The following SGCZ variants were observed in gnomAD, a reference collection of about 807,000 sequenced individuals.
SGCZ encodes sarcoglycan zeta.
SGCZ carries 40 observed loss-of-function variants against 41.3 expected under a neutral mutation model. That is an observed-to-expected ratio of 0.97 (90% confidence interval 0.75 to 1.26). The LOEUF (loss-of-function observed/expected upper bound fraction) is 1.26, where lower values mean the gene tolerates loss of function less well. SGCZ is among the 50% of genes most tolerant of loss of function. The probability of loss-of-function intolerance (pLI) is 0.00; values close to 1 mark genes in which losing one functional copy is unlikely to be tolerated. For synonymous variants in SGCZ, 206 were observed against 137.5 expected (o/e 1.50, Z -3.49); for missense variants, 552 against 369.8 (o/e 1.49, Z -4.04).
chr8:14,963,605 C>T (rs1412370763), intron 1 of SGCZ, among the ~76,000 whole-genome samples: 4 of 152,190 alleles, frequency 2.6e-5, no homozygotes, highest in Non-Finnish European at 5.9e-5. Context: ...GCCTCAGCCT[C>T]TCAAAGTGCT....
intron 4 of SGCZ, among the ~76,000 whole-genome samples, chr8:14,212,406 A>T (rs1805839464): frequency 6.6e-6 from 1 of 150,890 alleles, no homozygotes; most frequent in Non-Finnish European, 1.5e-5. Context: ...ATCAAGCAGG[A>T]GCTTTAATAG....
chr8:14,401,793 G>T (rs1157416214), intron 2 of SGCZ, among the ~76,000 whole-genome samples: 1 of 150,822 alleles, frequency 6.6e-6, no homozygotes, highest in Non-Finnish European at 1.5e-5. Context: ...AGTCCTTTGG[G>T]TATATACCCA....
At chr8:14,393,596 C>T (rs1804865333) in intron 2 of SGCZ, among the ~76,000 whole-genome samples, 1 of 152,162 alleles carries the variant, frequency 6.6e-6, no homozygotes, top group African/African-American at 2.4e-5. Flanking sequence ...GTGCATTCAC[C>T]ATCAGCTGGT....
At chr8:14,318,945 A>AC (rs1801819024) in intron 3 of SGCZ, among the ~76,000 whole-genome samples, 1 of 151,858 alleles carries the variant, frequency 6.6e-6, no homozygotes, top group African/African-American at 2.4e-5. Context: ...TTATACAAAA[A>AC]AAAATATGAA....
intron 1 of SGCZ, among the ~76,000 whole-genome samples, chr8:14,782,152 G>A (rs531864089): frequency 1.3e-5 from 2 of 152,206 alleles, no homozygotes; most frequent in South Asian, 2.1e-4. Context: ...TTGGATAAAC[G>A]ACTACTGGGA....
chr8:14,550,828 A>T (rs1563403616), intron 2 of SGCZ, among the ~76,000 whole-genome samples: 1 of 152,064 alleles, frequency 6.6e-6, no homozygotes, highest in Non-Finnish European at 1.5e-5. Context: ...GACCAAATGG[A>T]GAAAATATCG....
chr8:14,190,681 C>T (rs188585241), intron 4 of SGCZ, among the ~76,000 whole-genome samples: 1 of 152,194 alleles, frequency 6.6e-6, no homozygotes, highest in Non-Finnish European at 1.5e-5. Context: ...CGGCTCACTA[C>T]AACCTCCACC....
At chr8:14,245,274 C>A (rs542364672) in intron 3 of SGCZ, among the ~76,000 whole-genome samples, 3 of 152,032 alleles carry the variant, frequency 2.0e-5, no homozygotes, top group Non-Finnish European at 4.4e-5. Flanking sequence ...AGAACAGAGC[C>A]CTCAGAAATA....
At chr8:14,242,510 A>G (rs1798926307) in intron 3 of SGCZ, among the ~76,000 whole-genome samples, 2 of 152,276 alleles carry the variant, frequency 1.3e-5, no homozygotes, top group South Asian at 2.1e-4. Flanking sequence ...CTTCATCTGT[A>G]AAATAGGGGT....
At chr8:14,273,945 T>C (rs1434505792) in intron 3 of SGCZ, among the ~76,000 whole-genome samples, 3 of 152,264 alleles carry the variant, frequency 2.0e-5, no homozygotes, top group South Asian at 2.1e-4. Flanking sequence ...TTAGCAAACA[T>C]ACCTACAAAT....
Position 14,746,909 on chromosome 8 carries a change from A to C in SGCZ, c.40-191983T>G, listed in dbSNP as rs577420231. Among the ~76,000 whole-genome samples, 6 of 152,316 alleles carry C rather than the reference A, an allele frequency of 3.9e-5. No individual in the cohort carries two copies. In the South Asian group the frequency reaches 1.2e-3, roughly 32 times the overall value. The stretch of plus-strand genomic sequence containing the variant: ...CCTACTTTATTGATTCCAATGCTCC[A>C]CTGTGATTTATTTATGGAAATTTAC... On this transcript the variant is annotated intron_variant, in intron 1 of 7. Coordinates refer to ENST00000382080, the MANE Select transcript of SGCZ (RefSeq NM_139167.4).
intron 2 of SGCZ, among the ~76,000 whole-genome samples, chr8:14,364,290 G>A (rs959470243): frequency 1.3e-5 from 2 of 152,062 alleles, no homozygotes; most frequent in African/African-American, 4.8e-5. Context: ...GGTGGACCCC[G>A]ATGGCTTCTC....
At chr8:15,141,820 G>C (rs1265456862) in intron 1 of SGCZ, among the ~76,000 whole-genome samples, 1 of 151,630 alleles carries the variant, frequency 6.6e-6, no homozygotes, top group Non-Finnish European at 1.5e-5. Flanking sequence ...AGAACCACTT[G>C]AACCCAGGAA....
At chr8:14,431,074 T>C (rs534176808) in intron 2 of SGCZ, among the ~76,000 whole-genome samples, 1 of 152,212 alleles carries the variant, frequency 6.6e-6, no homozygotes, top group African/African-American at 2.4e-5. Flanking sequence ...CCCATGCTCA[T>C]GGATGAGTAG....
chr8:14,383,786 G>A (rs1053103441), intron 2 of SGCZ, among the ~76,000 whole-genome samples: 3 of 152,134 alleles, frequency 2.0e-5, no homozygotes, highest in South Asian at 2.1e-4. Context: ...ATCAGGGACT[G>A]TACAGTTGAA....
At chr8:14,753,872 T>C (rs1284562543) in intron 1 of SGCZ, among the ~76,000 whole-genome samples, 1 of 152,154 alleles carries the variant, frequency 6.6e-6, no homozygotes, top group Non-Finnish European at 1.5e-5. Flanking sequence ...GCCCCAGTAC[T>C]TGAGTTGCTG....
chr8:14,645,478 T>TTTTATATATATA lies in SGCZ; in HGVS notation c.40-90553_40-90552insTATATATATAAA, dbSNP rs1554472104. Among the ~76,000 whole-genome samples, 6 of 106,616 alleles carry TTTTATATATATA rather than the reference T, an allele frequency of 5.6e-5. No individual in the cohort carries two copies. In the South Asian group the frequency reaches 1.8e-3, roughly 32 times the overall value. 69.9% of individuals were successfully genotyped at this position (106,616 alleles called of 152,430 possible). ...AGTATCATTGATTATATATATATAT[T>TTTTATATATATA]TATATGTATATATATATATATATGG... On this transcript the variant is annotated intron_variant, in intron 1 of 7. Transcript: ENST00000382080.
chr8:14,781,362 G>C (rs911009089), intron 1 of SGCZ, among the ~76,000 whole-genome samples: 4 of 152,106 alleles, frequency 2.6e-5, no homozygotes, highest in Non-Finnish European at 5.9e-5. Context: ...CGGAGGAGCT[G>C]GAGTTACAGG....
intron 1 of SGCZ, among the ~76,000 whole-genome samples, chr8:15,099,887 G>A (rs947929709): frequency 4.0e-5 from 6 of 151,610 alleles, no homozygotes; most frequent in African/African-American, 1.5e-4. Context: ...AAAAGCATTT[G>A]AAAAAAATTC....
Sources: gnomAD v4.1 joint callset for allele counts (sites outside exome capture counted in the v4.1 genomes callset) on GRCh38, gnomAD v4.1.1 for gene constraint, MANE v1.5 for transcripts, NCBI Gene and HGNC (gene_info 2026-07-23, HGNC 2026-07-21) for gene names.